NTM: variants seen among roughly 807,000 people sequenced by gnomAD.
The protein encoded by NTM is neurotrimin, also known as IgLON family member 2.
NTM carries 13 observed loss-of-function variants against 42.1 expected under a neutral mutation model. The observed-to-expected ratio is 0.31, with a 90% CI of 0.20 to 0.49. The LOEUF is 0.49. Ranked by LOEUF, NTM falls within the 20% of genes least tolerant of loss-of-function variation. The pLI is 0.99. For synonymous variants in NTM, 187 were observed against 179.2 expected, an observed-to-expected ratio of 1.04 and a Z score of -0.35; for missense variants, 373 against 452.8, an observed-to-expected ratio of 0.82 and a Z score of 1.60.
At chr11:131,723,054 A>G (rs2078555836) in intron 1 of NTM, among the ~76,000 whole-genome samples, 1 of 152,250 alleles carries the variant, frequency 6.6e-6, no homozygotes, top group Non-Finnish European at 1.5e-5. Context: ...ATCCAGGGCC[A>G]CATAGCCAGT....
At chr11:131,581,573 C>A (rs747550516) in intron 1 of NTM, among the ~76,000 whole-genome samples, 1 of 152,130 alleles carries the variant, frequency 6.6e-6, no homozygotes, top group African/African-American at 2.4e-5. Flanking sequence ...TTAAGGGGTA[C>A]TTTATAGAGT....
chr11:132,309,253 G>A (rs2095202963), intron 5 of NTM, among the ~76,000 whole-genome samples: 1 of 152,308 alleles, frequency 6.6e-6, no homozygotes, highest in South Asian at 2.1e-4. Context: ...GTTTGGTAAA[G>A]ACGTCAAATG....
At chr11:132,319,143 C>A (rs925710261) in intron 7 of NTM, among the ~76,000 whole-genome samples, 3 of 152,158 alleles carry the variant, frequency 2.0e-5, no homozygotes, top group Non-Finnish European at 4.4e-5. Context: ...AGCTGAGGAG[C>A]CAAGATGGCC....
intron 2 of NTM, among the ~76,000 whole-genome samples, chr11:132,143,332 A>T (rs912334746): frequency 1.3e-5 from 2 of 152,176 alleles, no homozygotes; most frequent in Admixed American, 1.3e-4. Context: ...CCCATGGAGT[A>T]AGGTCCCAGG....
intron 2 of NTM, among the ~76,000 whole-genome samples, chr11:131,973,496 C>A (rs1180351158): frequency 6.6e-6 from 1 of 152,168 alleles, no homozygotes; most frequent in Non-Finnish European, 1.5e-5. Context: ...GAGGGGAGTG[C>A]TTTGTTCTTC....
In NTM at chr11:132,253,622, G is replaced by A. The variant is rs558203702; in HGVS notation, c.526+41475G>A. On this transcript the variant is annotated intron_variant, in intron 4 of 8. Coordinates refer to ENST00000683400, the MANE Select transcript of NTM (RefSeq NM_001352005.2). ...CTTGTAAATAAAGAAACTGAGATCT[G>A]TAGAAAGTAAAATGACTTGCTCAGG... is the stretch of plus-strand genomic sequence containing the variant. Among the ~76,000 whole-genome samples, 87 of 152,314 alleles carry A rather than the reference G, an allele frequency of 5.7e-4. 1 individual carries two copies. Among genetic ancestry groups the A allele is most frequent in the African/African-American group, 1.9e-3 (80 of 41,578 alleles).
intron 1 of NTM, among the ~76,000 whole-genome samples, chr11:131,543,570 AC>A (rs1171730335): frequency 6.6e-6 from 1 of 152,118 alleles, no homozygotes; most frequent in African/African-American, 2.4e-5. Flanking sequence ...GTGATCAAAG[AC>A]CTTGGGGGTT....
chr11:131,701,132 A>G (rs2076031238), intron 1 of NTM, among the ~76,000 whole-genome samples: 1 of 152,228 alleles, frequency 6.6e-6, no homozygotes, highest in Non-Finnish European at 1.5e-5. Flanking sequence ...AAAGAACAAA[A>G]AGCAACAAGG....
intron 2 of NTM, among the ~76,000 whole-genome samples, chr11:132,032,558 G>C (rs951241963): frequency 1.3e-5 from 2 of 152,128 alleles, no homozygotes; most frequent in Non-Finnish European, 2.9e-5. Flanking sequence ...GGGGAGGTAA[G>C]AGCCATCGCT....
intron 1 of NTM, among the ~76,000 whole-genome samples, chr11:131,708,953 A>G (rs2076851443): frequency 6.6e-6 from 1 of 152,174 alleles, no homozygotes; most frequent in Admixed American, 6.6e-5. Context: ...TTTAAAGTGA[A>G]TTGTAACGGT....
At chr11:132,299,600 G>T (rs2094764179) in intron 4 of NTM, among the ~76,000 whole-genome samples, 1 of 152,206 alleles carries the variant, frequency 6.6e-6, no homozygotes, top group African/African-American at 2.4e-5. Flanking sequence ...CTTACGCACA[G>T]CTCACAAGCG....
chr11:131,998,966 A>T (rs374590921), intron 2 of NTM, among the ~76,000 whole-genome samples: 36 of 152,248 alleles, frequency 2.4e-4, no homozygotes, highest in East Asian at 2.1e-3. Context: ...GATTTCCAAG[A>T]CACTGATTGG....
intron 1 of NTM, among the ~76,000 whole-genome samples, chr11:131,907,741 A>G (rs532326602): frequency 6.9e-6 from 1 of 143,886 alleles, no homozygotes; most frequent in East Asian, 1.9e-4. Context: ...ACAAATAATG[A>G]AATTGCTTTG....
intron 4 of NTM, among the ~76,000 whole-genome samples, chr11:132,257,482 C>A (rs77642478): frequency 6.6e-6 from 1 of 152,270 alleles, no homozygotes; most frequent in East Asian, 1.9e-4. Context: ...CTGTCCATCC[C>A]GGGAAGCTGG....
At chr11:131,480,852 C>T (rs764301920) in intron 1 of NTM, among the ~76,000 whole-genome samples, 25 of 152,028 alleles carry the variant, frequency 1.6e-4, no homozygotes, top group Non-Finnish European at 2.6e-4. Flanking sequence ...ACTTTATATC[C>T]TGGCTTGATG....
chr11:131,607,742 T>C (rs1449293741), intron 1 of NTM, among the ~76,000 whole-genome samples: 4 of 152,196 alleles, frequency 2.6e-5, no homozygotes, highest in Admixed American at 6.5e-5. Context: ...AAATTGATGA[T>C]TGTTGTACGT....
intron 2 of NTM, among the ~76,000 whole-genome samples, chr11:131,949,270 T>G (rs1176907191): frequency 6.6e-6 from 1 of 152,240 alleles, no homozygotes; most frequent in East Asian, 1.9e-4. Flanking sequence ...TTAGGTTGTT[T>G]ACACATCTTG....
At chr11:131,407,470 A>C (rs11222601) in intron 1 of NTM, among the ~76,000 whole-genome samples, 9,945 of 152,244 alleles carry the variant, frequency 0.065, 1,577 homozygotes, top group East Asian at 0.63. Flanking sequence ...GTGACTAAGA[A>C]CAAAGGTGGG....
intron 1 of NTM, among the ~76,000 whole-genome samples, chr11:131,465,559 C>T (rs1591749171): frequency 6.6e-6 from 1 of 152,126 alleles, no homozygotes; most frequent in South Asian, 2.1e-4. Flanking sequence ...GTCTTTCACC[C>T]CAGGCCCTGA....
Sources: gnomAD v4.1 joint callset for allele counts (sites outside exome capture counted in the v4.1 genomes callset) on GRCh38, gnomAD v4.1.1 for gene constraint, MANE v1.5 for transcripts, NCBI Gene and HGNC (gene_info 2026-07-23, HGNC 2026-07-21) for gene names.